The following RNF38 variants were observed in gnomAD, a reference collection of about 807,000 sequenced individuals.
RNF38 encodes E3 ubiquitin-protein ligase RNF38.
In RNF38, 15 loss-of-function variants were observed where a neutral mutation model predicts 67.2. The observed-to-expected ratio is 0.22, with a 90% CI of 0.15 to 0.34. RNF38 has a LOEUF of 0.34. Among genes scored for constraint, RNF38 ranks in the 10% least tolerant of loss-of-function variants. The pLI is 1.00. For synonymous variants in RNF38, 220 were observed against 218.8 expected (o/e 1.01, Z -0.05); for missense variants, 524 against 639.9 (o/e 0.82, Z 1.95).
intron 1 of RNF38, among the ~76,000 whole-genome samples, chr9:36,444,787 T>G (rs1839265443): frequency 6.6e-6 from 1 of 151,844 alleles, no homozygotes; most frequent in African/African-American, 2.4e-5. Context: ...GAGATAGGAG[T>G]GAAAACCCTG....
At chr9:36,481,163 T>C (rs1444986006) in intron 1 of RNF38, among the ~76,000 whole-genome samples, 1 of 151,880 alleles carries the variant, frequency 6.6e-6, no homozygotes, top group Non-Finnish European at 1.5e-5. Flanking sequence ...TACACGTGCG[T>C]GCCACCACGC....
chr9:36,472,232 TG>T (rs1840014971), intron 1 of RNF38, among the ~76,000 whole-genome samples: 3 of 152,234 alleles, frequency 2.0e-5, no homozygotes, highest in Admixed American at 2.0e-4. Flanking sequence ...ACAGTGAGTG[TG>T]TAGAAACTCT....
chr9:36,358,747 T>G (rs1564006922), intron 4 of RNF38, among the ~76,000 whole-genome samples: 1 of 152,168 alleles, frequency 6.6e-6, no homozygotes, highest in Non-Finnish European at 1.5e-5. Flanking sequence ...CGGTGGCTCA[T>G]GCCTGTAATT....
At chr9:36,399,983 T>C (rs1165368438) in intron 1 of RNF38, 114 bp downstream of exon 1, 3 of 930,842 alleles carry the variant, frequency 3.2e-6, no homozygotes, top group Non-Finnish European at 4.9e-6. Context: ...GCAATTCATA[T>C]AATGGTGGCA....
intron 1 of RNF38, among the ~76,000 whole-genome samples, chr9:36,476,061 C>G (rs1389172300): frequency 2.0e-5 from 3 of 151,378 alleles, no homozygotes; most frequent in Non-Finnish European, 4.4e-5. Context: ...GGCAAATAAC[C>G]TAGATAATAG....
intron 9 of RNF38, among the ~76,000 whole-genome samples, chr9:36,350,336 C>T (rs1027760368): frequency 2.0e-5 from 3 of 152,334 alleles, no homozygotes; most frequent in African/African-American, 7.2e-5. Context: ...ACAGTAGTGG[C>T]AGAGTTTGGA....
At chr9:36,458,695 C>T (rs1457816912) in intron 1 of RNF38, among the ~76,000 whole-genome samples, 2 of 151,708 alleles carry the variant, frequency 1.3e-5, no homozygotes, top group Non-Finnish European at 2.9e-5. Context: ...AAACTCTGGA[C>T]ACACCATCTT....
intron 1 of RNF38, 149 bp downstream of exon 1, chr9:36,399,948 T>A (rs1837872128): frequency 2.9e-6 from 2 of 697,644 alleles, no homozygotes; most frequent in Non-Finnish European, 4.7e-6. Context: ...ATACGTTAAG[T>A]CCACCGCTTA....
At chr9:36,397,007 ATATATG>A (rs1468492281) in intron 1 of RNF38, among the ~76,000 whole-genome samples, 1 of 11,184 alleles carries the variant, frequency 8.9e-5, no homozygotes, top group Admixed American at 1.3e-3. Flanking sequence ...AATTTGCTTT[ATATATG>A]TGTGTGTGTG....
At chr9:36,406,838 C>G (rs1838196008) in intron 2 of RNF38, among the ~76,000 whole-genome samples, 1 of 152,178 alleles carries the variant, frequency 6.6e-6, no homozygotes, top group Non-Finnish European at 1.5e-5. Flanking sequence ...CTTTCTTCCT[C>G]CAAAACCAGC....
upstream of RNF38, chr9:36,400,695 C>T (rs1393820819): frequency 1.4e-5 from 14 of 985,914 alleles, no homozygotes; most frequent in Non-Finnish European, 1.7e-5. Flanking sequence ...GGAACCCCGG[C>T]TCCAACTTAG....
chr9:36,348,664 TGA>T (rs1438366157), intron 9 of RNF38, among the ~76,000 whole-genome samples: 1 of 152,176 alleles, frequency 6.6e-6, no homozygotes, highest in African/African-American at 2.4e-5. Flanking sequence ...CTATCAATGT[TGA>T]GAGAGGTGAG....
chr9:36,345,334 T>C (rs1464259242), intron 9 of RNF38, among the ~76,000 whole-genome samples: 1 of 152,218 alleles, frequency 6.6e-6, no homozygotes, highest in African/African-American at 2.4e-5. Context: ...CCTCACCTTA[T>C]TTTAAAACAA....
intron 2 of RNF38, among the ~76,000 whole-genome samples, chr9:36,380,194 A>T (rs1239421392): frequency 6.6e-6 from 1 of 152,158 alleles, no homozygotes; most frequent in Non-Finnish European, 1.5e-5. Context: ...GCTTAAATAT[A>T]ACATACTTTT....
rs1350228885 is a variant in RNF38, at chr9:36,338,613, C to T, written c.*1139G>A. On this transcript the variant is annotated 3_prime_UTR_variant, in exon 12 of 12. Transcript: ENST00000259605. ...ATTGAGTTGCCCACAGGAGCTTGAA[C>T]ACAGAACACATATGAGAAGTCAAGC... is the stretch of plus-strand genomic sequence containing the variant. 1.3e-5 allele frequency: 2 copies of T among 152,270 alleles called. No individual in the cohort carries two copies. The highest frequency in any genetic ancestry group is 6.5e-5 in the Admixed American group (1 of 15,282). 9.4% of individuals were successfully genotyped at this position (152,270 alleles called of 1,614,324 possible). A position where few individuals can be genotyped will look rare whatever the true frequency, so the allele number is the denominator to read the frequency against.
At chr9:36,438,261 C>T (rs920239925) in intron 1 of RNF38, among the ~76,000 whole-genome samples, 1 of 151,988 alleles carries the variant, frequency 6.6e-6, no homozygotes, top group East Asian at 1.9e-4. Flanking sequence ...TTTATCAGAC[C>T]TTCAAAGTAG....
At chr9:36,470,141 T>G (rs975217267) in intron 1 of RNF38, among the ~76,000 whole-genome samples, 1 of 152,154 alleles carries the variant, frequency 6.6e-6, no homozygotes, top group African/African-American at 2.4e-5. Context: ...AAATGAAATC[T>G]GCAGGCCCCA....
chr9:36,410,322 ATTAT>A (rs1313563397), intron 2 of RNF38, among the ~76,000 whole-genome samples: 3 of 152,288 alleles, frequency 2.0e-5, no homozygotes, highest in East Asian at 1.9e-4. Flanking sequence ...TGTTCCTCAA[ATTAT>A]TTATTTATTT....
chr9:36,400,826 C>G, upstream of RNF38: 3 of 985,270 alleles, frequency 3.0e-6, no homozygotes, highest in South Asian at 4.7e-5. Flanking sequence ...CCTCTCCGCC[C>G]CCACGCCCCA....
Sources: allele counts gnomAD v4.1 joint callset (sites outside exome capture counted in the v4.1 genomes callset), GRCh38; gene constraint gnomAD v4.1.1; transcripts MANE v1.5; gene names NCBI Gene and HGNC (gene_info 2026-07-23, HGNC 2026-07-21).